The following RHAG variants were observed in gnomAD, a reference collection of about 807,000 sequenced individuals.
RHAG encodes Rh associated glycoprotein.
A neutral mutation model predicts 42.4 loss-of-function variants in RHAG; 25 were observed. The ratio of observed to expected loss-of-function variants is 0.59; its 90% CI spans 0.43 to 0.82. The LOEUF (loss-of-function observed/expected upper bound fraction) is 0.82, where lower values mean the gene tolerates loss of function less well. RHAG is among the 40% of genes least tolerant of loss of function. The pLI is 0.00. For missense variants in RHAG, 483 were observed against 504.6 expected (o/e 0.96, Z 0.41); for synonymous variants, 182 against 177.7 (o/e 1.02, Z -0.19).
Position 49,636,724 on chromosome 6 carries a change from T to C in RHAG, c.89A>G (p.Gln30Arg), listed in dbSNP as rs1200674491. The change falls in exon 1 of 10, where the codon CAG (glutamine) becomes CGG (arginine). Residue 30 changes from glutamine (Q) to arginine (R), a missense_variant. Physicochemically the swap from Gln to Arg is conservative, Grantham distance 43 (BLOSUM62 1). Transcript: ENST00000371175. ...FGLFVEYETD[Q>R]TVLEQLNITK... ...GATGTTGAGCTGCTCGAGAACAGTCTGGTCCGTTTCATACTCAACAAATAA... is the reference window on the plus strand; with the variant it reads ...GATGTTGAGCTGCTCGAGAACAGTCCGGTCCGTTTCATACTCAACAAATAA... 2 of 1,614,000 alleles carry C rather than the reference T, an allele frequency of 1.2e-6. No individual in the cohort carries two copies. Among genetic ancestry groups the C allele is most frequent in the South Asian group, 2.2e-5 (2 of 91,084 alleles).
chr6:49,622,899 T>A (rs1465969776), intron 1 of RHAG, among the ~76,000 whole-genome samples: 1 of 148,690 alleles, frequency 6.7e-6, no homozygotes, highest in East Asian at 2.0e-4. Flanking sequence ...GCAGTGGCGC[T>A]ATCTCGGCTC....
chr6:49,619,389 C>T (rs1019776260), intron 1 of RHAG, 27 bp from the exon 2 acceptor site: 6 of 1,597,686 alleles, frequency 3.8e-6, no homozygotes, highest in Non-Finnish European at 4.3e-6. Context: ...GAAAAAATAT[C>T]TGCATTATGA....
rs750550173 is a variant in RHAG, at chr6:49,618,102, G to T, written c.458C>A (p.Ala153Asp). The T allele has an allele frequency of 6.2e-7, 1 of 1,613,684 alleles. No individual in the cohort carries two copies. Among genetic ancestry groups the T allele is most frequent in the Non-Finnish European group, 8.5e-7 (1 of 1,179,772 alleles). Residue 153 changes from alanine to aspartate, a missense_variant, in exon 3 of 10, where the codon GCC (alanine) becomes GAC (aspartate). By Grantham distance (126) the Ala-to-Asp change is moderately radical. Transcript: ENST00000371175. Reference protein sequence around the residue: ...IMTILEIVFFAHNEYLVSEIF... With the variant: ...IMTILEIVFFDHNEYLVSEIF... ...TTCACTAACCAGGTATTCATTGTGG[G>T]CAAAGAAAACAATTTCTAAAATTGT...
At position 49,612,437 on chromosome 6, in the gene RHAG, A is replaced by G. The variant is rs755521293; in HGVS notation, c.905T>C (p.Ile302Thr). The G allele has an allele frequency of 5.6e-6, 9 of 1,614,174 alleles. No homozygotes were observed. The highest frequency in any genetic ancestry group is 5.9e-6 in the Non-Finnish European group (7 of 1,180,012). Residue 302 changes from isoleucine (I) to threonine (T), a missense_variant, in exon 6 of 10, where the codon ATT (isoleucine) becomes ACT (threonine). By Grantham distance (89) the Ile-to-Thr change is moderately conservative. Transcript: ENST00000371175. ...HPFGSMIIGS[I>T]AGMVSVLGYK... ...TCCAAGCACAGAGACCATTCCTGCA[A>G]TGCTCCCAATAATCATAGAACCAAA...
At chr6:49,615,807 G>T in intron 3 of RHAG, 36 bp from the exon 4 acceptor site, 1 of 1,604,066 alleles carries the variant, frequency 6.2e-7, no homozygotes, top group South Asian at 1.1e-5. Context: ...AAATAGAGGT[G>T]AACCTGAGAC....
At chr6:49,619,950 G>A (rs776316382) in intron 1 of RHAG, among the ~76,000 whole-genome samples, 7 of 152,156 alleles carry the variant, frequency 4.6e-5, no homozygotes, top group Admixed American at 1.3e-4. Flanking sequence ...GAAGTAGTAC[G>A]TTTCTTTGAT....
chr6:49,612,510 C>A lies in RHAG; in HGVS notation c.832G>T (p.Ala278Ser), dbSNP rs1356242971. The A allele has an allele frequency of 1.2e-6, 2 of 1,614,064 alleles. No homozygotes were observed. The highest frequency in any genetic ancestry group is 2.2e-5 in the South Asian group (2 of 91,080). Residue 278 changes from alanine (A) to serine (S), a missense_variant, in exon 6 of 10, where the codon GCT becomes TCT. By Grantham distance (99) the Ala-to-Ser change is moderately conservative. Coordinates refer to ENST00000371175, the MANE Select transcript of RHAG (RefSeq NM_000324.3). ...CAAGTGCCCACAGCAACTCCTCCAGCAAGGGTGGCATTCTGAATGTGAACC... is the reference window on the plus strand; with the variant it reads ...CAAGTGCCCACAGCAACTCCTCCAGAAAGGGTGGCATTCTGAATGTGAACC... ...NMVHIQNATL[A>S]GGVAVGTCAD...
intron 2 of RHAG, 132 bp from the exon 3 acceptor site, chr6:49,618,350 C>T (rs1478493618): frequency 1.0e-5 from 9 of 892,006 alleles, no homozygotes; most frequent in Non-Finnish European, 1.6e-5. Flanking sequence ...TTCCTTATTC[C>T]TCCTCTTTTT....
intron 7 of RHAG, among the ~76,000 whole-genome samples, chr6:49,609,222 C>A (rs1382807503): frequency 6.6e-6 from 1 of 151,894 alleles, no homozygotes; most frequent in African/African-American, 2.4e-5. Context: ...GGCTTGCCCC[C>A]CTTCCCCTCT....
At chr6:49,625,026 A>T (rs1762823117) in intron 1 of RHAG, among the ~76,000 whole-genome samples, 1 of 152,248 alleles carries the variant, frequency 6.6e-6, no homozygotes, top group African/African-American at 2.4e-5. Context: ...CTTGGAAAAC[A>T]TCAGCAATTG....
intron 1 of RHAG, among the ~76,000 whole-genome samples, chr6:49,620,693 A>G (rs1158746300): frequency 1.3e-5 from 2 of 152,090 alleles, no homozygotes; most frequent in African/African-American, 4.8e-5. Context: ...CACCATGCCC[A>G]GATAATCTTT....
intron 6 of RHAG, among the ~76,000 whole-genome samples, chr6:49,611,558 C>G (rs982471841): frequency 2.0e-5 from 3 of 152,104 alleles, no homozygotes; most frequent in African/African-American, 7.2e-5. Context: ...TTTCCTTCTC[C>G]ACCCAGAAGA....
Position 49,606,861 on chromosome 6 carries a change from G to T in RHAG, c.1199C>A (p.Ser400Tyr), listed in dbSNP as rs916919185. Reference protein sequence around the residue: ...QPSDQNCYDDSVYWKVPKTR With the variant: ...QPSDQNCYDDYVYWKVPKTR ...ACTGTACAGTACCTTCCAATAAACA[G>T]AATCATCATAGCAGTTCTGGTCAGA... The change falls in exon 9 of 10, where the codon TCT becomes TAT. Residue 400 changes from serine to tyrosine, a missense_variant. Ser to Tyr is a moderately radical substitution (Grantham distance 144). Transcript: ENST00000371175. The T allele has an allele frequency of 6.2e-7, 1 of 1,606,932 alleles. No individual in the cohort carries two copies. The highest frequency in any genetic ancestry group is 8.5e-7 in the Non-Finnish European group (1 of 1,173,620).
rs1317340041 is a variant in RHAG at position 49,636,772 on chromosome 6, A to G, written c.41T>C (p.Ile14Thr). 3 of 1,613,960 alleles carry G rather than the reference A, an allele frequency of 1.9e-6. No individual in the cohort carries two copies. The highest frequency in any genetic ancestry group is 2.5e-6 in the Non-Finnish European group (3 of 1,179,840). Residue 14 changes from isoleucine to threonine, a missense_variant, in exon 1 of 10, where the codon ATT (isoleucine) becomes ACT (threonine). By Grantham distance (89) the Ile-to-Thr change is moderately conservative (BLOSUM62 -1). Coordinates refer to ENST00000371175, the MANE Select transcript of RHAG (RefSeq NM_000324.3). Reference sequence around the variant, plus strand: ...TAATCCAAATAAAACAATCATGGCAATTTCCAGGACTATAGCCATGAGAGG... The same window carrying G: ...TAATCCAAATAAAACAATCATGGCAGTTTCCAGGACTATAGCCATGAGAGG... ...TFPLMAIVLE[I>T]AMIVLFGLFV... is the part of the protein sequence containing the mutation.
At chr6:49,607,045 AGT>A (rs1762480828) in intron 8 of RHAG, 103 bp downstream of exon 8, 1 of 1,239,098 alleles carries the variant, frequency 8.1e-7, no homozygotes, top group African/African-American at 1.5e-5. Flanking sequence ...TACTGCCAGA[AGT>A]TTAGAACATT....
intron 1 of RHAG, among the ~76,000 whole-genome samples, chr6:49,631,643 C>G (rs759496881): frequency 3.3e-5 from 5 of 152,176 alleles, no homozygotes; most frequent in Non-Finnish European, 7.3e-5. Context: ...CAACCTGGAA[C>G]CAGCAATTTC....
intron 1 of RHAG, among the ~76,000 whole-genome samples, chr6:49,628,149 C>A (rs969322055): frequency 3.2e-5 from 4 of 125,466 alleles, no homozygotes; most frequent in African/African-American, 1.3e-4. Context: ...CACACACACA[C>A]ACACACACAC....
chr6:49,623,954 A>AT (rs1762802614), intron 1 of RHAG, among the ~76,000 whole-genome samples: 1 of 152,126 alleles, frequency 6.6e-6, no homozygotes, highest in Non-Finnish European at 1.5e-5. Flanking sequence ...GCGGGGAGGG[A>AT]ACCAGGTGCC....
At chr6:49,609,644 C>G (rs1762535815) in intron 7 of RHAG, among the ~76,000 whole-genome samples, 1 of 152,134 alleles carries the variant, frequency 6.6e-6, no homozygotes, top group Non-Finnish European at 1.5e-5. Flanking sequence ...AGAAATGTGT[C>G]AACTGTACAC....
Sources: allele counts gnomAD v4.1 joint callset (sites outside exome capture counted in the v4.1 genomes callset), GRCh38; gene constraint gnomAD v4.1.1; transcripts MANE v1.5; gene names NCBI Gene and HGNC (gene_info 2026-07-23, HGNC 2026-07-21).